Variants in SNPH observed in about 807,000 individuals in gnomAD.
The protein encoded by SNPH is syntaphilin.
Under a neutral mutation model 36.8 loss-of-function variants are expected in SNPH, and 10 were observed. The observed-to-expected ratio is 0.27, with a 90% CI of 0.17 to 0.46. The LOEUF is 0.46. Among genes scored for constraint, SNPH ranks in the 20% least tolerant of loss-of-function variants. The probability of loss-of-function intolerance (pLI) is 1.00; values close to 1 mark genes in which losing one functional copy is unlikely to be tolerated. For synonymous variants in SNPH, 281 were observed against 312.2 expected (o/e 0.90, Z 1.05); for missense variants, 622 against 744.0 (o/e 0.84, Z 1.91).
Position 1,266,556 on chromosome 20 carries a change from G to A in SNPH, c.-599-98G>A. On this transcript the variant is annotated intron_variant, in intron 1 of 6. Coordinates refer to ENST00000381867, the MANE Select transcript of SNPH (RefSeq NM_001318234.2). The surrounding 1 kb of genome is among the most constrained non-coding windows in gnomAD (Gnocchi z 6.0). ...AGCCTGCCCTCCAAGCCTTCTGGCTGCAGCGGCCCAGCTGTCAGCGGCCGG... is the reference window on the plus strand; with the variant it reads ...AGCCTGCCCTCCAAGCCTTCTGGCTACAGCGGCCCAGCTGTCAGCGGCCGG... 7.3e-7 allele frequency: 1 copy of A among 1,377,156 alleles called. No individual in the cohort carries two copies. Among genetic ancestry groups the A allele is most frequent in the Non-Finnish European group, 9.4e-7 (1 of 1,067,972 alleles). The allele number at this position is 1,377,156 out of a possible 1,614,324, so 85.3% of individuals were successfully genotyped here.
In SNPH at chr20:1,294,619, G is replaced by A. The variant is rs1447255279; in HGVS notation, c.-492-332G>A. ...CACCCGACACCTCCAGGCAGACAAT[G>A]CTGGCTGTGTCCAGACCCTCCAGGG... On this transcript the variant is annotated intron_variant, in intron 2 of 6. Coordinates refer to ENST00000381867, the MANE Select transcript of SNPH (RefSeq NM_001318234.2). The surrounding 1 kb of genome is among the most constrained non-coding windows in gnomAD (Gnocchi z 4.4). Among the ~76,000 whole-genome samples the A allele has an allele frequency of 6.6e-6, 1 of 152,212 alleles. No individual in the cohort carries two copies. Among genetic ancestry groups the A allele is most frequent in the Non-Finnish European group, 1.5e-5 (1 of 68,034 alleles).
chr20:1,299,582 C>G (rs890830817), intron 5 of SNPH, among the ~76,000 whole-genome samples: 4 of 152,224 alleles, frequency 2.6e-5, no homozygotes, highest in African/African-American at 9.6e-5. Flanking sequence ...TCTCCTTTGC[C>G]CTGGTAGGGC....
At position 1,294,717 on chromosome 20, in the gene SNPH, GC is replaced by G; in HGVS notation, c.-492-230del. Among the ~76,000 whole-genome samples the G allele has an allele frequency of 6.6e-6, 1 of 152,344 alleles. No individual in the cohort carries two copies. Among genetic ancestry groups the G allele is most frequent in the African/African-American group, 2.4e-5 (1 of 41,586 alleles). ...AGTGCCTTTGTCCACTCAGGAGGCAGCCCCGCCGCTGGCTGGGATGACCAGG... is the reference window on the plus strand; with the variant it reads ...AGTGCCTTTGTCCACTCAGGAGGCAGCCCGCCGCTGGCTGGGATGACCAGG... On this transcript the variant is annotated intron_variant, in intron 2 of 6. Transcript: ENST00000381867. This position sits in a 1 kb window ranked among gnomAD's most constrained non-coding sequence, Gnocchi z 4.4.
At chr20:1,289,006 C>G (rs1052783320) in intron 2 of SNPH, among the ~76,000 whole-genome samples, 4 of 152,162 alleles carry the variant, frequency 2.6e-5, no homozygotes, top group African/African-American at 9.7e-5. Flanking sequence ...ATGACCAGCC[C>G]AAAATGCAGG....
In SNPH at chr20:1,304,502, T is replaced by C. The variant is rs982363596; in HGVS notation, c.441-376T>C. ...ACATTAAGATTTTATTAGGTTTTTATAGCAGTAGCTATAAAACTTATGAGC... is the reference window on the plus strand; with the variant it reads ...ACATTAAGATTTTATTAGGTTTTTACAGCAGTAGCTATAAAACTTATGAGC... On this transcript the variant is annotated intron_variant, in intron 6 of 6. Coordinates refer to ENST00000381867, the MANE Select transcript of SNPH (RefSeq NM_001318234.2). The surrounding 1 kb of genome is among the most constrained non-coding windows in gnomAD (Gnocchi z 4.3). 6.6e-6 allele frequency among the ~76,000 whole-genome samples: 1 copy of C among 152,008 alleles called. No individual in the cohort carries two copies. Among genetic ancestry groups the C allele is most frequent in the Non-Finnish European group, 1.5e-5 (1 of 68,006 alleles).
In SNPH at chr20:1,302,967, G is replaced by A. The variant is rs78239680; in HGVS notation, c.441-1911G>A. On this transcript the variant is annotated intron_variant, in intron 6 of 6. Transcript: ENST00000381867. ...CCCATCTCCCAGCTTCATTTCTAGG[G>A]CCAGCCCCATGGCTTAGAGCAGACC... Among the ~76,000 whole-genome samples the A allele has an allele frequency of 5.1e-3, 775 of 152,360 alleles. 1 individual carries two copies. Among genetic ancestry groups the A allele is most frequent in the African/African-American group, 0.018 (734 of 41,574 alleles).
rs150367888 is a variant in SNPH, at chr20:1,305,837, G to T, written c.1400G>T (p.Arg467Leu). Residue 467 changes from arginine to leucine, a missense_variant, in exon 7 of 7, where the codon CGC becomes CTC. Physicochemically the swap from Arg to Leu is moderately radical, Grantham distance 102. This residue lies in a region of SNPH where 379 missense variants were observed against 427.9 expected (regional missense o/e 0.89). Transcript: ENST00000381867. ...AAGGAGCCCAAGAGCTACTGGAGCC[G>T]CCACTACATCGTGGATCTGCTGGCT... ...AEKEPKSYWS[R>L]HYIVDLLAVV... The T allele has an allele frequency of 1.3e-6, 2 of 1,591,728 alleles. No individual in the cohort carries two copies. Among genetic ancestry groups the T allele is most frequent in the African/African-American group, 1.3e-5 (1 of 74,578 alleles).
chr20:1,299,559 G>T (rs1359927171), intron 5 of SNPH, among the ~76,000 whole-genome samples: 1 of 152,214 alleles, frequency 6.6e-6, no homozygotes, highest in Non-Finnish European at 1.5e-5. Context: ...CTGCCCTCTG[G>T]GTGGAAATTC....
chr20:1,291,096 CCTAGGCTTGATGCCCTTCAG>C (rs1298788273), intron 2 of SNPH, among the ~76,000 whole-genome samples: 1 of 152,252 alleles, frequency 6.6e-6, no homozygotes, highest in African/African-American at 2.4e-5. Flanking sequence ...GGTTTGAAGA[CCTAGGCTTGATGCCCTTCAG>C]CTCTGGAATC....
At chr20:1,277,842 A>T (rs1222348864) in intron 2 of SNPH, among the ~76,000 whole-genome samples, 1,501 of 38,100 alleles carry the variant, frequency 0.039, no homozygotes, top group Non-Finnish European at 0.044. Context: ...TGTGTGTGTC[A>T]GTGTGTGTGT....
At chr20:1,295,517 G>C (rs979733606) in intron 3 of SNPH, among the ~76,000 whole-genome samples, 2 of 152,234 alleles carry the variant, frequency 1.3e-5, no homozygotes, top group African/African-American at 4.8e-5. Flanking sequence ...CTTTAAGTCT[G>C]TGCCCCTACA....
rs759741732 is a variant in SNPH, at chr20:1,297,181, C to T, written c.219C>T (p.Tyr73=). The stretch of plus-strand genomic sequence containing the variant: ...CACCTGTGAGCGTGCGGGATGCCTA[C>T]GGCACCTCTTCGCTCAGCAGCAGCA... ...TSPPVSVRDA[Y]GTSSLSSSSN... is the part of the protein sequence containing the mutation. The change falls in exon 5 of 7, where the codon TAC becomes TAT. Residue 73 remains tyrosine, a synonymous_variant. Transcript: ENST00000381867. 1.4e-5 allele frequency: 23 copies of T among 1,613,662 alleles called. No homozygotes were observed. The highest frequency in any genetic ancestry group is 5.3e-5 in the African/African-American group (4 of 74,952).
rs893772227 is a variant in SNPH, at chr20:1,304,045, TCTGTGA to T, written c.441-830_441-825del. 9.4e-4 allele frequency among the ~76,000 whole-genome samples: 143 copies of T among 152,288 alleles called. 2 individuals carry two copies. The highest frequency in any genetic ancestry group is 3.3e-3 in the African/African-American group (138 of 41,550). On this transcript the variant is annotated intron_variant, in intron 6 of 6. Coordinates refer to ENST00000381867, the MANE Select transcript of SNPH (RefSeq NM_001318234.2). This position sits in a 1 kb window ranked among gnomAD's most constrained non-coding sequence, Gnocchi z 4.3. ...CCCTCCCCTTGCACCCCTGGATTCA[TCTGTGA>T]CTCGGGAATTTGAAAAGCCTGAGCA...
rs1411344395 is a variant in SNPH, at chr20:1,285,995, CAGG to C, written c.-492-8953_-492-8951del. 6.7e-6 allele frequency among the ~76,000 whole-genome samples: 1 copy of C among 149,016 alleles called. No individual in the cohort carries two copies. Among genetic ancestry groups the C allele is most frequent in the African/African-American group, 2.5e-5 (1 of 40,296 alleles). On this transcript the variant is annotated intron_variant, in intron 2 of 6. Coordinates refer to ENST00000381867, the MANE Select transcript of SNPH (RefSeq NM_001318234.2). This position sits in a 1 kb window ranked among gnomAD's most constrained non-coding sequence, Gnocchi z 4.9. Reference sequence around the variant, plus strand: ...CTGTAGTCCCAGCTACTGGCTGAGGCAGGAGAATTGCTTGAACCCTGGAGGCGG... The same window carrying C: ...CTGTAGTCCCAGCTACTGGCTGAGGCAGAATTGCTTGAACCCTGGAGGCGG...
At chr20:1,284,544 G>A (rs1436774539) in intron 2 of SNPH, among the ~76,000 whole-genome samples, 5 of 152,216 alleles carry the variant, frequency 3.3e-5, no homozygotes, top group Non-Finnish European at 5.9e-5. Context: ...GAAGAAAGAG[G>A]AGTGCTGTAG....
At chr20:1,302,878 C>T (rs1309784926) in intron 6 of SNPH, among the ~76,000 whole-genome samples, 3 of 152,250 alleles carry the variant, frequency 2.0e-5, no homozygotes, top group Non-Finnish European at 4.4e-5. Context: ...TATTTTCCCT[C>T]ATCTTCCCAA....
Position 1,304,807 on chromosome 20 carries a change from C to A in SNPH, c.441-71C>A. ...TCATCCTTGGCAACAGTGTCCTCTC[C>A]CTGCCTCTCCTTGGCGGTGACAGAC... is the stretch of plus-strand genomic sequence containing the variant. On this transcript the variant is annotated intron_variant, in intron 6 of 6. Transcript: ENST00000381867. The surrounding 1 kb of genome is among the most constrained non-coding windows in gnomAD (Gnocchi z 4.3). The A allele has an allele frequency of 6.8e-7, 1 of 1,470,126 alleles. No homozygotes were observed. The highest frequency in any genetic ancestry group is 1.2e-5 in the South Asian group (1 of 80,302). 91.1% of individuals were successfully genotyped at this position (1,470,126 alleles called of 1,614,324 possible). A position where few individuals can be genotyped will look rare whatever the true frequency, so the allele number is the denominator to read the frequency against.
rs2088592274 is a variant in SNPH, at chr20:1,307,347, GC to G, written c.*1295del. ...GCAGCCTCCCTGCTCCCAGCCCAAG[GC>G]CAGTCGGCCTGGGAAGTTCACTGCC... On this transcript the variant is annotated 3_prime_UTR_variant, in exon 7 of 7. Transcript: ENST00000381867. 1 of 152,228 alleles carries G rather than the reference GC, an allele frequency of 6.6e-6. No homozygotes were observed. The highest frequency in any genetic ancestry group is 2.4e-5 in the African/African-American group (1 of 41,452). The allele number at this position is 152,228 out of a possible 1,614,324, so 9.4% of individuals were successfully genotyped here. A position where few individuals can be genotyped will look rare whatever the true frequency, so the allele number is the denominator to read the frequency against.
chr20:1,266,725 C>G lies in SNPH; in HGVS notation c.-528C>G, dbSNP rs890771652. 2 of 1,409,374 alleles carry G rather than the reference C, an allele frequency of 1.4e-6. No individual in the cohort carries two copies. Among genetic ancestry groups the G allele is most frequent in the South Asian group, 1.6e-5 (1 of 62,184 alleles). The allele number at this position is 1,409,374 out of a possible 1,614,324, so 87.3% of individuals were successfully genotyped here. The stretch of plus-strand genomic sequence containing the variant: ...TGCGCCAAGCCGGGCCGGAGTGGTG[C>G]GAGCCGGCGGGGCTGCGGAGGGCCA... On this transcript the variant is annotated 5_prime_UTR_variant, in exon 2 of 7. Coordinates refer to ENST00000381867, the MANE Select transcript of SNPH (RefSeq NM_001318234.2). The surrounding 1 kb of genome is among the most constrained non-coding windows in gnomAD (Gnocchi z 6.0).
Sources: allele counts gnomAD v4.1 joint callset (sites outside exome capture counted in the v4.1 genomes callset), GRCh38; gene constraint gnomAD v4.1.1; regional missense constraint gnomAD v4.1.1; non-coding constraint Gnocchi (gnomAD v3.1); transcripts MANE v1.5; gene names NCBI Gene and HGNC (gene_info 2026-07-23, HGNC 2026-07-21).